Variants in SUN1 observed in about 807,000 individuals in gnomAD.
SUN1 encodes the protein Sad1 and UNC84 domain containing 1.
In SUN1, 61 loss-of-function variants were observed where a neutral mutation model predicts 103.2. That is an observed-to-expected ratio of 0.59 (90% confidence interval 0.48 to 0.73). The LOEUF (loss-of-function observed/expected upper bound fraction) is 0.73, where lower values mean the gene tolerates loss of function less well. Ranked by LOEUF, SUN1 falls within the 30% of genes least tolerant of loss-of-function variation. The pLI is 0.00. For synonymous variants in SUN1, 490 were observed against 425.7 expected, an observed-to-expected ratio of 1.15 and a Z score of -1.86; for missense variants, 1,052 against 1,034.6, an observed-to-expected ratio of 1.02 and a Z score of -0.23.
At chr7:856,635 C>T (rs1411683808) in intron 12 of SUN1, among the ~76,000 whole-genome samples, 1 of 152,172 alleles carries the variant, frequency 6.6e-6, no homozygotes, top group Non-Finnish European at 1.5e-5. Context: ...TTAGCACTCT[C>T]AAAGGTGCTG....
chr7:836,296 C>G (rs1421976212), intron 1 of SUN1, among the ~76,000 whole-genome samples: 2 of 152,164 alleles, frequency 1.3e-5, no homozygotes, highest in African/African-American at 2.4e-5. Context: ...CTCGGGATTA[C>G]TTTTCCATCG....
At chr7:859,750 C>T (rs1427027079) in intron 13 of SUN1, among the ~76,000 whole-genome samples, 2 of 152,212 alleles carry the variant, frequency 1.3e-5, no homozygotes, top group African/African-American at 4.8e-5. Flanking sequence ...ATTTATATGA[C>T]TGTTTTCTCA....
Position 867,143 on chromosome 7 carries a change from G to A in SUN1, c.1980+1076G>A, listed in dbSNP as rs150329101. 7.1e-3 allele frequency among the ~76,000 whole-genome samples: 1,074 copies of A among 152,288 alleles called. 12 individuals carry two copies. Among genetic ancestry groups the A allele is most frequent in the African/African-American group, 0.021 (868 of 41,560 alleles). On this transcript the variant is annotated intron_variant, in intron 16 of 18. Coordinates refer to ENST00000401592, the MANE Select transcript of SUN1 (RefSeq NM_001130965.3). ...CATGATCTCGTCCCCAGGCTGCCCC[G>A]GCGGAACTGTCCGGTCAGCGTGACT...
chr7:857,894 A>G lies in SUN1; in HGVS notation c.1461A>G (p.Ser487=). 6.2e-7 allele frequency: 1 copy of G among 1,603,882 alleles called. No homozygotes were observed. The change falls in exon 13 of 19, where the codon TCA becomes TCG. Residue 487 remains serine, a synonymous_variant. Coordinates refer to ENST00000401592, the MANE Select transcript of SUN1 (RefSeq NM_001130965.3). ...AGCTGGAGCTGGATCAGCTAAAGTC[A>G]GAGCTGTCCAGCTGGCGACACGTGA... is the stretch of plus-strand genomic sequence containing the variant. The part of the protein sequence containing the change: ...HLQLELDQLK[S]ELSSWRHVKT...
At chr7:821,020 A>G (rs931801043) in intron 1 of SUN1, among the ~76,000 whole-genome samples, 1 of 152,036 alleles carries the variant, frequency 6.6e-6, no homozygotes, top group Non-Finnish European at 1.5e-5. Flanking sequence ...TTATTCATCT[A>G]TCTAGCTCCC....
At chr7:863,644 G>C (rs1243207015) in intron 15 of SUN1, among the ~76,000 whole-genome samples, 1 of 152,186 alleles carries the variant, frequency 6.6e-6, no homozygotes, top group Non-Finnish European at 1.5e-5. Flanking sequence ...TGTGCCGCAA[G>C]TAGCCATCCT....
intron 10 of SUN1, 128 bp from the exon 11 acceptor site, chr7:854,792 T>G: frequency 1.6e-6 from 1 of 644,816 alleles, no homozygotes. Context: ...TCCTTTAGGG[T>G]CCGTGCCACA....
chr7:831,033 G>A (rs573819936), upstream of SUN1: 92 of 985,074 alleles, frequency 9.3e-5, no homozygotes, highest in Admixed American at 2.7e-3. Flanking sequence ...GCTCCTCTGC[G>A]TGTGGGTTGA....
Position 872,452 on chromosome 7 carries a change from G to T in SUN1, c.2149-18G>T. 1.3e-6 allele frequency: 2 copies of T among 1,581,100 alleles called. No homozygotes were observed. The highest frequency in any genetic ancestry group is 1.7e-6 in the Non-Finnish European group (2 of 1,161,222). On this transcript the variant is annotated intron_variant, in intron 17 of 18. Coordinates refer to ENST00000401592, the MANE Select transcript of SUN1 (RefSeq NM_001130965.3). ...TATTTTTCCATTCGTTCATAATTGTGTATGGTCTTGTTTTCAGGGATTAGA... is the reference window on the plus strand; with the variant it reads ...TATTTTTCCATTCGTTCATAATTGTTTATGGTCTTGTTTTCAGGGATTAGA...
At chr7:854,886 C>G (rs752575248) in intron 10 of SUN1, 34 bp from the exon 11 acceptor site, 1 of 1,531,800 alleles carries the variant, frequency 6.5e-7, no homozygotes, top group South Asian at 1.2e-5. Context: ...GCTTAACTTT[C>G]TCCATCATTT....
At chr7:847,846 G>A (rs1279311203) in intron 5 of SUN1, among the ~76,000 whole-genome samples, 3 of 137,674 alleles carry the variant, frequency 2.2e-5, no homozygotes, top group Non-Finnish European at 3.2e-5. Flanking sequence ...AGCGCCGTGC[G>A]CCAGCGGAGT....
Position 848,337 on chromosome 7 carries a change from A to G in SUN1, c.659-3047A>G, listed in dbSNP as rs1187158879. On this transcript the variant is annotated intron_variant, in intron 5 of 18. Coordinates refer to ENST00000401592, the MANE Select transcript of SUN1 (RefSeq NM_001130965.3). ...TCCATTCTAAAAGTGCCTGAAATGAATAATTTGGCTACCTGACTTATCAGG... is the reference window on the plus strand; with the variant it reads ...TCCATTCTAAAAGTGCCTGAAATGAGTAATTTGGCTACCTGACTTATCAGG... 6 of 1,212,954 alleles carry G rather than the reference A, an allele frequency of 4.9e-6. 1 individual carries two copies. The highest frequency in any genetic ancestry group is 4.8e-5 in the African/African-American group (3 of 62,698). The allele number at this position is 1,212,954 out of a possible 1,614,324, so 75.1% of individuals were successfully genotyped here.
At chr7:871,203 G>C (rs1230081551) in intron 17 of SUN1, among the ~76,000 whole-genome samples, 2 of 152,116 alleles carry the variant, frequency 1.3e-5, no homozygotes, top group Non-Finnish European at 2.9e-5. Context: ...CTGTATTTCA[G>C]ATGCATGCTG....
At chr7:854,801 C>A in intron 10 of SUN1, 119 bp from the exon 11 acceptor site, 1 of 690,040 alleles carries the variant, frequency 1.4e-6, no homozygotes, top group Non-Finnish European at 2.6e-6. Flanking sequence ...GTCCGTGCCA[C>A]ATTGCGACCA....
At chr7:847,089 A>G (rs1816573043) in intron 5 of SUN1, among the ~76,000 whole-genome samples, 1 of 152,240 alleles carries the variant, frequency 6.6e-6, no homozygotes, top group South Asian at 2.1e-4. Flanking sequence ...GGTGGGTCAG[A>G]GGTACGAAGC....
At chr7:849,806 G>C (rs1000295227) in intron 5 of SUN1, 19 of 1,203,762 alleles carry the variant, frequency 1.6e-5, no homozygotes, top group African/African-American at 8.9e-5. Context: ...ATTGTTGACT[G>C]TCTCGTGTGT....
At chr7:817,260 G>A (rs1364360476) in intron 1 of SUN1, 5 of 693,882 alleles carry the variant, frequency 7.2e-6, no homozygotes, top group Non-Finnish European at 1.2e-5. Flanking sequence ...GCGCCCGGCT[G>A]ATAGTCGTAT....
chr7:856,749 G>A (rs10232862), intron 12 of SUN1, among the ~76,000 whole-genome samples: 2,190 of 152,322 alleles, frequency 0.014, 32 homozygotes, highest in African/African-American at 0.038. Flanking sequence ...GCCATGGTGG[G>A]TGTCAGGGTG....
At chr7:852,510 G>A (rs1351099844) in intron 7 of SUN1, 99 bp from the exon 8 acceptor site, 2 of 1,369,104 alleles carry the variant, frequency 1.5e-6, no homozygotes, top group African/African-American at 2.9e-5. Flanking sequence ...TAATACTGGG[G>A]GGGTGGATTT....
Sources: allele counts gnomAD v4.1 joint callset (sites outside exome capture counted in the v4.1 genomes callset), GRCh38; gene constraint gnomAD v4.1.1; transcripts MANE v1.5; gene names NCBI Gene and HGNC (gene_info 2026-07-23, HGNC 2026-07-21).